Variants in XPO4 observed in about 807,000 individuals in gnomAD.
XPO4 encodes the protein exportin 4.
A neutral mutation model predicts 143.0 loss-of-function variants in XPO4; 39 were observed. The ratio of observed to expected loss-of-function variants is 0.27; its 90% CI spans 0.21 to 0.36. XPO4 has a LOEUF of 0.36. Among genes scored for constraint, XPO4 ranks in the 10% least tolerant of loss-of-function variants. The pLI is 1.00. For synonymous variants in XPO4, 439 were observed against 474.0 expected, an observed-to-expected ratio of 0.93 and a Z score of 0.96; for missense variants, 907 against 1,348.0, an observed-to-expected ratio of 0.67 and a Z score of 5.12.
rs1248965314 is a variant in XPO4 at position 20,787,345 on chromosome 13, A to G, written c.3165+136T>C. 9.7e-6 allele frequency: 8 copies of G among 826,940 alleles called. No homozygotes were observed. In the Middle Eastern group the frequency reaches 7.8e-4, roughly 80 times the overall value. The allele number at this position is 826,940 out of a possible 1,614,324, so 51.2% of individuals were successfully genotyped here. ...CCATGAAGAGCTGATCTCCAGAAAA[A>G]AACAGTGAACAGGAAGTCATGGTTT... On this transcript the variant is annotated intron_variant, in intron 21 of 22. Coordinates refer to ENST00000255305, the MANE Select transcript of XPO4 (RefSeq NM_022459.5).
chr13:20,890,259 G>A (rs2060499385), intron 1 of XPO4, among the ~76,000 whole-genome samples: 1 of 152,098 alleles, frequency 6.6e-6, no homozygotes, highest in Admixed American at 6.6e-5. Flanking sequence ...AGACCAGCCT[G>A]TGCAACACAG....
intron 9 of XPO4, among the ~76,000 whole-genome samples, chr13:20,821,127 A>C (rs1299832802): frequency 6.6e-6 from 1 of 152,140 alleles, no homozygotes; most frequent in Non-Finnish European, 1.5e-5. Flanking sequence ...GTACCAAAAA[A>C]CATCTTCAGT....
intron 16 of XPO4, 49 bp from the exon 17 acceptor site, chr13:20,797,106 A>G: frequency 6.7e-7 from 1 of 1,501,736 alleles, no homozygotes; most frequent in Non-Finnish European, 8.9e-7. Flanking sequence ...CTCATGCTTT[A>G]TTTCCTCTGC....
chr13:20,790,497 G>T lies in XPO4; in HGVS notation c.2881C>A (p.Leu961Ile). 6.2e-7 allele frequency: 1 copy of T among 1,614,092 alleles called. No homozygotes were observed. Among genetic ancestry groups the T allele is most frequent in the South Asian group, 1.1e-5 (1 of 91,082 alleles). Residue 961 changes from leucine (L) to isoleucine (I), a missense_variant, in exon 19 of 23, where the codon CTA becomes ATA. Physicochemically the swap from Leu to Ile is conservative, Grantham distance 5. Transcript: ENST00000255305. ...TCCTGTGACATCAAGGGCAGAATTA[G>T]GTTTACTCCATACAACACAACATCC... is the stretch of plus-strand genomic sequence containing the variant. Reference protein sequence around the residue: ...AADVVLYGVNLILPLMSQDLL... With the variant: ...AADVVLYGVNIILPLMSQDLL...
Position 20,803,034 on chromosome 13 carries a change from G to C in XPO4, c.1818-2044C>G, listed in dbSNP as rs2137859425. ...TTACCTATTGCCAGATGAGCAAGTG[G>C]AGCATGATTTGATTCCTATTTTTCC... On this transcript the variant is annotated intron_variant, in intron 13 of 22. Coordinates refer to ENST00000255305, the MANE Select transcript of XPO4 (RefSeq NM_022459.5). This position sits in a 1 kb window ranked among gnomAD's most constrained non-coding sequence, Gnocchi z 4.1. Among the ~76,000 whole-genome samples the C allele has an allele frequency of 6.6e-6, 1 of 152,256 alleles. No homozygotes were observed. Among genetic ancestry groups the C allele is most frequent in the East Asian group, 1.9e-4 (1 of 5,184 alleles).
intron 1 of XPO4, chr13:20,879,376 C>T (rs2060384303): frequency 8.6e-6 from 8 of 927,552 alleles, no homozygotes; most frequent in Non-Finnish European, 1.0e-5. Context: ...GATGGAAGAG[C>T]GTAAATTACT....
chr13:20,862,942 T>G, intron 2 of XPO4, 84 bp from the exon 3 acceptor site: 1 of 1,575,260 alleles, frequency 6.3e-7, no homozygotes, highest in South Asian at 1.2e-5. Flanking sequence ...AAAACAGAAC[T>G]TTTCAGACAA....
At chr13:20,842,535 A>C (rs1380377960) in intron 6 of XPO4, among the ~76,000 whole-genome samples, 1 of 152,190 alleles carries the variant, frequency 6.6e-6, no homozygotes, top group East Asian at 1.9e-4. Context: ...AAAAAAATCA[A>C]ACATAATTAC....
chr13:20,884,887 G>GA (rs1230714863), intron 1 of XPO4, among the ~76,000 whole-genome samples: 1 of 152,062 alleles, frequency 6.6e-6, no homozygotes, highest in Non-Finnish European at 1.5e-5. Flanking sequence ...TTGAGAAAAT[G>GA]AAAAAAGACA....
chr13:20,853,156 C>A (rs763149649), intron 4 of XPO4: 57 of 489,768 alleles, frequency 1.2e-4, no homozygotes, highest in Non-Finnish European at 1.4e-4. Context: ...CATAGTGAAA[C>A]CTCATCGCTA....
At chr13:20,834,132 T>C (rs2059887381) in intron 6 of XPO4, among the ~76,000 whole-genome samples, 1 of 152,174 alleles carries the variant, frequency 6.6e-6, no homozygotes, top group Admixed American at 6.5e-5. Context: ...TTTGCACCAC[T>C]GGGTCTGGGT....
At chr13:20,865,778 G>T (rs1224619729) in intron 2 of XPO4, among the ~76,000 whole-genome samples, 2 of 152,114 alleles carry the variant, frequency 1.3e-5, no homozygotes, top group African/African-American at 2.4e-5. Flanking sequence ...CAAAGCACAG[G>T]CAATATAAGC....
chr13:20,800,277 G>T lies in XPO4; in HGVS notation c.2026C>A (p.Gln676Lys). The change falls in exon 15 of 23, where the codon CAG becomes AAG. Residue 676 changes from glutamine (Q) to lysine (K), a missense_variant. Gln to Lys is a moderately conservative substitution (Grantham distance 53). Transcript: ENST00000255305. ...TGTAAGAGGTAGCCAATTATCCACT[G>T]AGAACCCTCTGTATCTGCTCCGAAC... ...TAFGADTEGS[Q>K]WIIGYLLQKV... The T allele has an allele frequency of 6.2e-7, 1 of 1,613,992 alleles. No homozygotes were observed. Among genetic ancestry groups the T allele is most frequent in the Non-Finnish European group, 8.5e-7 (1 of 1,179,996 alleles).
chr13:20,886,165 A>G (rs894355295), intron 1 of XPO4, among the ~76,000 whole-genome samples: 3 of 152,198 alleles, frequency 2.0e-5, no homozygotes, highest in African/African-American at 7.2e-5. Flanking sequence ...AACACACTAG[A>G]CTGTAAGGCA....
At chr13:20,897,586 C>T (rs1172574854) in intron 1 of XPO4, among the ~76,000 whole-genome samples, 2 of 152,152 alleles carry the variant, frequency 1.3e-5, no homozygotes, top group Non-Finnish European at 1.5e-5. Context: ...CTTCTTCTGT[C>T]TCCTCAGCAT....
intron 17 of XPO4, 143 bp downstream of exon 17, chr13:20,796,621 T>A: frequency 1.3e-6 from 1 of 762,750 alleles, no homozygotes; most frequent in Non-Finnish European, 1.8e-6. Flanking sequence ...TAAGTTCTTT[T>A]CAAAAATCTT....
At chr13:20,890,082 C>G (rs1358977003) in intron 1 of XPO4, among the ~76,000 whole-genome samples, 1 of 152,160 alleles carries the variant, frequency 6.6e-6, no homozygotes, top group Non-Finnish European at 1.5e-5. Context: ...TATCTAAAAT[C>G]AGTATTGCAT....
In XPO4 at chr13:20,820,071, A is replaced by G. The variant is rs2059700204; in HGVS notation, c.1173+1633T>C. Among the ~76,000 whole-genome samples the G allele has an allele frequency of 2.0e-5, 3 of 152,358 alleles. No individual in the cohort carries two copies. The South Asian group carries it at 6.2e-4, about 32-fold the overall frequency. Reference sequence around the variant, plus strand: ...AATTATTTTAAAAAATAATTTTTAAATATCATAAACAGCTCAATTAAAAAT... The same window carrying G: ...AATTATTTTAAAAAATAATTTTTAAGTATCATAAACAGCTCAATTAAAAAT... On this transcript the variant is annotated intron_variant, in intron 9 of 22. Transcript: ENST00000255305.
intron 1 of XPO4, among the ~76,000 whole-genome samples, chr13:20,889,904 T>G (rs745643774): frequency 3.3e-5 from 5 of 152,172 alleles, no homozygotes; most frequent in African/African-American, 4.8e-5. Flanking sequence ...CATTTATAAA[T>G]CTAAAAATGA....
Sources: allele counts gnomAD v4.1 joint callset (sites outside exome capture counted in the v4.1 genomes callset), GRCh38; gene constraint gnomAD v4.1.1; non-coding constraint Gnocchi (gnomAD v3.1); transcripts MANE v1.5; gene names NCBI Gene and HGNC (gene_info 2026-07-23, HGNC 2026-07-21).